ANKS1B: variants seen among roughly 807,000 people sequenced by gnomAD.
The protein encoded by ANKS1B is ankyrin repeat and sterile alpha motif domain-containing protein 1B.
A neutral mutation model predicts 148.3 loss-of-function variants in ANKS1B; 36 were observed. That is an observed-to-expected ratio of 0.24 (90% CI 0.19 to 0.32). The LOEUF (loss-of-function observed/expected upper bound fraction) is 0.32. ANKS1B is among the 10% of genes least tolerant of loss of function. The pLI is 1.00. For missense variants in ANKS1B, 1,157 were observed against 1,542.6 expected (o/e 0.75, Z 4.19); for synonymous variants, 542 against 560.8 (o/e 0.97, Z 0.47).
intron 15 of ANKS1B, among the ~76,000 whole-genome samples, chr12:99,140,067 T>G (rs992059433): frequency 6.6e-6 from 1 of 152,196 alleles, no homozygotes; most frequent in African/African-American, 2.4e-5. Context: ...AGGATTCAAA[T>G]AGTCTCATAA....
At chr12:99,464,275 A>AC (rs2096055564) in intron 10 of ANKS1B, among the ~76,000 whole-genome samples, 3 of 152,194 alleles carry the variant, frequency 2.0e-5, no homozygotes, top group Non-Finnish European at 4.4e-5. Context: ...GGACATCCAC[A>AC]CCAAAAACCC....
At chr12:98,885,945 A>ATATGAAAGCTG (rs2099738982) in intron 17 of ANKS1B, among the ~76,000 whole-genome samples, 2 of 152,272 alleles carry the variant, frequency 1.3e-5, no homozygotes, top group South Asian at 4.2e-4. Flanking sequence ...CTGCCCAGGC[A>ATATGAAAGCTG]CCAGCAAGAT....
chr12:99,906,304 T>C (rs2093780389), intron 1 of ANKS1B, among the ~76,000 whole-genome samples: 1 of 152,222 alleles, frequency 6.6e-6, no homozygotes, highest in Non-Finnish European at 1.5e-5. Flanking sequence ...CGCTACATTC[T>C]CTTCATCATT....
intron 8 of ANKS1B, among the ~76,000 whole-genome samples, chr12:99,744,155 T>G (rs2060371975): frequency 6.6e-6 from 1 of 152,082 alleles, no homozygotes; most frequent in African/African-American, 2.4e-5. Context: ...ACAGATTAAA[T>G]GAGATATTGG....
At chr12:99,421,783 A>G (rs2095091911) in intron 11 of ANKS1B, among the ~76,000 whole-genome samples, 1 of 152,156 alleles carries the variant, frequency 6.6e-6, no homozygotes, top group Admixed American at 6.5e-5. Flanking sequence ...TCTCACACTG[A>G]ACTGTAATCC....
At chr12:99,320,820 A>C (rs2085119973) in intron 12 of ANKS1B, among the ~76,000 whole-genome samples, 1 of 152,120 alleles carries the variant, frequency 6.6e-6, no homozygotes, top group African/African-American at 2.4e-5. Flanking sequence ...GTTTCTCCCC[A>C]TCTTTGTGGT....
intron 9 of ANKS1B, chr12:99,648,657 C>A (rs1462157904): frequency 1.9e-6 from 3 of 1,614,164 alleles, no homozygotes; most frequent in Non-Finnish European, 2.5e-6. Flanking sequence ...CAAGTGAAGA[C>A]CTTTTTGTTC....
intron 8 of ANKS1B, among the ~76,000 whole-genome samples, chr12:99,703,575 A>G (rs1432458976): frequency 6.6e-6 from 1 of 151,930 alleles, no homozygotes; most frequent in East Asian, 1.9e-4. Context: ...TTCATGTGTC[A>G]TAATCCTCTT....
At chr12:99,649,463 A>G in intron 9 of ANKS1B, 1 of 1,288,484 alleles carries the variant, frequency 7.8e-7, no homozygotes. Context: ...CATAAAACCT[A>G]TAGTGCCTGA....
chr12:99,826,785 C>G (rs528112097), intron 1 of ANKS1B, among the ~76,000 whole-genome samples: 1 of 151,702 alleles, frequency 6.6e-6, no homozygotes, highest in Non-Finnish European at 1.5e-5. Context: ...CATAAAAGAC[C>G]CCAAATAGCC....
chr12:99,790,657 G>GTGTT lies in ANKS1B; in HGVS notation c.670-8564_670-8561dup, dbSNP rs777775267. On this transcript the variant is annotated intron_variant, in intron 4 of 26. Transcript: ENST00000683438. Reference sequence around the variant, plus strand: ...TAGTTTTTATTAGTTTTCTTTTTGTGTGTTTGTTTGTTTATGCAATCAGTG... The same window carrying GTGTT: ...TAGTTTTTATTAGTTTTCTTTTTGTGTGTTTGTTTGTTTGTTTATGCAATCAGTG... 2.0e-5 allele frequency among the ~76,000 whole-genome samples: 3 copies of GTGTT among 152,004 alleles called. No individual in the cohort carries two copies. In the East Asian group the frequency reaches 5.8e-4, roughly 29 times the overall value.
intron 1 of ANKS1B, among the ~76,000 whole-genome samples, chr12:99,876,327 CAA>C (rs1391253161): frequency 6.6e-6 from 1 of 152,118 alleles, no homozygotes; most frequent in African/African-American, 2.4e-5. Flanking sequence ...CACCCAAAAG[CAA>C]GACCCTCTCT....
chr12:98,770,492 C>T (rs762584473), intron 25 of ANKS1B, among the ~76,000 whole-genome samples: 23 of 152,154 alleles, frequency 1.5e-4, no homozygotes, highest in Admixed American at 1.3e-4. Context: ...ACTTTAATCC[C>T]GTGCAAACAA....
chr12:99,950,404 G>A (rs191362124), intron 1 of ANKS1B, among the ~76,000 whole-genome samples: 4 of 151,548 alleles, frequency 2.6e-5, no homozygotes, highest in Admixed American at 6.6e-5. Context: ...AGCCTTCCCC[G>A]CATCCTCCCC....
At chr12:99,362,353 T>A (rs774013615) in intron 12 of ANKS1B, among the ~76,000 whole-genome samples, 5 of 151,998 alleles carry the variant, frequency 3.3e-5, no homozygotes, top group Non-Finnish European at 7.4e-5. Flanking sequence ...ATAAGAAAGA[T>A]CCTACGAGAG....
chr12:98,983,504 A>G (rs2099918932), intron 17 of ANKS1B, among the ~76,000 whole-genome samples: 1 of 152,238 alleles, frequency 6.6e-6, no homozygotes, highest in Non-Finnish European at 1.5e-5. Context: ...CTTTTGTCAT[A>G]TAATGCACCA....
chr12:98,844,546 T>TGCACAC, intron 17 of ANKS1B, among the ~76,000 whole-genome samples: 1 of 152,198 alleles, frequency 6.6e-6, no homozygotes, highest in South Asian at 2.1e-4. Context: ...TTGACAGGTA[T>TGCACAC]TAGTATGAGG....
intron 9 of ANKS1B, among the ~76,000 whole-genome samples, chr12:99,602,018 T>C (rs978110789): frequency 5.3e-5 from 8 of 152,026 alleles, no homozygotes; most frequent in Admixed American, 5.3e-4. Context: ...GTTTTATGTC[T>C]GGCTTTAGGG....
At chr12:99,295,221 T>C (rs986598802) in intron 12 of ANKS1B, among the ~76,000 whole-genome samples, 1 of 152,238 alleles carries the variant, frequency 6.6e-6, no homozygotes, top group African/African-American at 2.4e-5. Flanking sequence ...TTACTCCACA[T>C]GTTCACTAAC....
Sources: allele counts gnomAD v4.1 joint callset (sites outside exome capture counted in the v4.1 genomes callset), GRCh38; gene constraint gnomAD v4.1.1; transcripts MANE v1.5; gene names NCBI Gene and HGNC (gene_info 2026-07-23, HGNC 2026-07-21).